The following PRR12 variants were observed in gnomAD, a reference collection of about 807,000 sequenced individuals.
The protein encoded by PRR12 is proline-rich protein 12.
Under a neutral mutation model 138.0 loss-of-function variants are expected in PRR12, and 12 were observed. That is an observed-to-expected ratio of 0.09 (90% CI 0.06 to 0.14). The LOEUF (loss-of-function observed/expected upper bound fraction) is 0.14. Ranked by LOEUF, PRR12 falls within the 10% of genes least tolerant of loss-of-function variation. PRR12 has a pLI of 1.00. For missense variants in PRR12, 2,692 were observed against 2,861.3 expected (o/e 0.94, Z 1.35); for synonymous variants, 1,567 against 1,291.7 (o/e 1.21, Z -4.57).
At position 49,594,797 on chromosome 19, in the gene PRR12, G is replaced by A. The variant is rs778706472; in HGVS notation, c.462G>A (p.Pro154=). The change falls in exon 4 of 14, where the codon CCG becomes CCA. Residue 154 remains proline, a synonymous_variant. Transcript: ENST00000418929. The surrounding 1 kb of genome is among the most constrained non-coding windows in gnomAD (Gnocchi z 5.6). Reference sequence around the variant, plus strand: ...CTGCCCTGTCGGCTTACCAACACCCGGCTTCCTTCGGCAGCCGCCCCTTCC... The same window carrying A: ...CTGCCCTGTCGGCTTACCAACACCCAGCTTCCTTCGGCAGCCGCCCCTTCC... The part of the protein sequence containing the change: ...SSSALSAYQH[P]ASFGSRPFPV... The A allele has an allele frequency of 3.9e-5, 63 of 1,612,658 alleles. No individual in the cohort carries two copies. The highest frequency in any genetic ancestry group is 1.4e-4 in the South Asian group (13 of 90,980).
Position 49,593,427 on chromosome 19 carries a change from C to A in PRR12, c.187C>A (p.His63Asn). Residue 63 changes from histidine to asparagine, a missense_variant, in exon 2 of 14, where the codon CAC (histidine) becomes AAC (asparagine). Around this residue, in one of 11 missense-constraint regions of PRR12, gnomAD observed 211 missense variants for 266.3 expected, o/e 0.79. Coordinates refer to ENST00000418929, the MANE Select transcript of PRR12 (RefSeq NM_020719.3). The stretch of plus-strand genomic sequence containing the variant: ...CCCACTGCAAAGCTATGCCACCAAC[C>A]ACCACCCGGCAGGTACGGCCCCCAT... ...PHPLQSYATNHHPAGLSGLFD... is the reference protein window; with the variant it reads ...PHPLQSYATNNHPAGLSGLFD... 1 of 1,593,194 alleles carries A rather than the reference C, an allele frequency of 6.3e-7. No individual in the cohort carries two copies. The highest frequency in any genetic ancestry group is 8.6e-7 in the Non-Finnish European group (1 of 1,163,118).
intron 11 of PRR12, among the ~76,000 whole-genome samples, chr19:49,623,995 G>A (rs73934022): frequency 0.37 from 47,297 of 129,522 alleles, 10,931 homozygotes; most frequent in African/African-American, 0.65. Flanking sequence ...ATTCTGGGGT[G>A]GGTGGTTAGG....
rs1027799223 is a variant in PRR12, at chr19:49,597,814, C to T, written c.3479C>T (p.Thr1160Met). The T allele has an allele frequency of 1.9e-6, 3 of 1,550,152 alleles. No homozygotes were observed. Among genetic ancestry groups the T allele is most frequent in the African/African-American group, 1.4e-5 (1 of 73,174 alleles). The change falls in exon 4 of 14, where the codon ACG (threonine) becomes ATG (methionine). Residue 1160 changes from threonine (T) to methionine (M), a missense_variant. Coordinates refer to ENST00000418929, the MANE Select transcript of PRR12 (RefSeq NM_020719.3). This position sits in a 1 kb window ranked among gnomAD's most constrained non-coding sequence, Gnocchi z 6.3. ...CCCCGGCGCCGTGGCCGCAAGCCCA[C>T]GAAGGCGAAACGTGATGGGCCACCC... ...DGPRRRGRKP[T>M]KAKRDGPPRP...
chr19:49,622,216 C>T (rs933217417), intron 11 of PRR12, among the ~76,000 whole-genome samples: 5 of 152,058 alleles, frequency 3.3e-5, no homozygotes, highest in Non-Finnish European at 5.9e-5. Flanking sequence ...GGATTCTAGG[C>T]TGGTACTAAG....
In PRR12 at chr19:49,599,032, C is replaced by T. The variant is rs73934018; in HGVS notation, c.3679-240C>T. On this transcript the variant is annotated intron_variant, in intron 4 of 13. Transcript: ENST00000418929. This position sits in a 1 kb window ranked among gnomAD's most constrained non-coding sequence, Gnocchi z 5.0. ...CTACATTCCTGGGTCTCATGGGAAGCGGGTCTAGGGACCTGAACTGGGCTG... is the reference window on the plus strand; with the variant it reads ...CTACATTCCTGGGTCTCATGGGAAGTGGGTCTAGGGACCTGAACTGGGCTG... 0.036 allele frequency among the ~76,000 whole-genome samples: 5,414 copies of T among 150,204 alleles called. 316 individuals are homozygous for T. The highest frequency in any genetic ancestry group is 0.13 in the African/African-American group (5,101 of 40,248).
In PRR12 at chr19:49,611,943, A is replaced by G. The variant is rs2080868749; in HGVS notation, c.4774-2590A>G. Among the ~76,000 whole-genome samples, 2 of 85,060 alleles carry G rather than the reference A, an allele frequency of 2.4e-5. 1 individual carries two copies. Among genetic ancestry groups the G allele is most frequent in the South Asian group, 7.0e-4 (2 of 2,870 alleles). 55.8% of individuals were successfully genotyped at this position (85,060 alleles called of 152,430 possible). Reference sequence around the variant, plus strand: ...GTCTCAAAAAAAAAAAAAAAAAAAAAAAAAACAGGCCGGGCACAGTGGCTC... The same window carrying G: ...GTCTCAAAAAAAAAAAAAAAAAAAAGAAAAACAGGCCGGGCACAGTGGCTC... On this transcript the variant is annotated intron_variant, in intron 6 of 13. Coordinates refer to ENST00000418929, the MANE Select transcript of PRR12 (RefSeq NM_020719.3).
At chr19:49,593,862 C>T (rs907215522) in intron 2 of PRR12, among the ~76,000 whole-genome samples, 1 of 152,160 alleles carries the variant, frequency 6.6e-6, no homozygotes, top group African/African-American at 2.4e-5. Flanking sequence ...TATTTTGCCC[C>T]ATTGCCTTAT....
At position 49,599,790 on chromosome 19, in the gene PRR12, C is replaced by G; in HGVS notation, c.4197C>G (p.Ser1399=). The change falls in exon 5 of 14, where the codon TCC becomes TCG. Residue 1399 remains serine (S), a synonymous_variant. Transcript: ENST00000418929. The surrounding 1 kb of genome is among the most constrained non-coding windows in gnomAD (Gnocchi z 5.0). Reference sequence around the variant, plus strand: ...ACCGAGACCTGCAGGAGAGCATCTCCTCCGCCATCTCTGCCCTCGATGACC... The same window carrying G: ...ACCGAGACCTGCAGGAGAGCATCTCGTCCGCCATCTCTGCCCTCGATGACC... ...AKNRDLQESI[S]SAISALDDPP... 6.2e-7 allele frequency: 1 copy of G among 1,613,652 alleles called. No homozygotes were observed. Among genetic ancestry groups the G allele is most frequent in the Non-Finnish European group, 8.5e-7 (1 of 1,179,896 alleles).
Position 49,595,476 on chromosome 19 carries a change from C to T in PRR12, c.1141C>T (p.Arg381Cys), listed in dbSNP as rs1220558077. 6.2e-5 allele frequency: 96 copies of T among 1,551,596 alleles called. No individual in the cohort carries two copies. Among genetic ancestry groups the T allele is most frequent in the Non-Finnish European group, 7.7e-5 (89 of 1,148,538 alleles). The stretch of plus-strand genomic sequence containing the variant: ...GGCTGGGGGTGGTGGTGGAGGTTAC[C>T]GCCCCATCATTCAGTCGCCTGGGTA... ...GGAGGGGGGY[R>C]PIIQSPGYKT... The change falls in exon 4 of 14, where the codon CGC becomes TGC. Residue 381 changes from arginine (R) to cysteine (C), a missense_variant. Coordinates refer to ENST00000418929, the MANE Select transcript of PRR12 (RefSeq NM_020719.3).
At chr19:49,601,225 G>C (rs2122315214) in intron 5 of PRR12, among the ~76,000 whole-genome samples, 1 of 152,138 alleles carries the variant, frequency 6.6e-6, no homozygotes, top group Non-Finnish European at 1.5e-5. Flanking sequence ...TCAGGAAGAG[G>C]AGTTAAGAAC....
Position 49,599,479 on chromosome 19 carries a change from C to A in PRR12, c.3886C>A (p.Pro1296Thr), listed in dbSNP as rs757428794. Reference sequence around the variant, plus strand: ...CTTCCTCAAGTCAGGCAAGCGCCACCCACCACTCTACCAGGCGGGCCTGAC... The same window carrying A: ...CTTCCTCAAGTCAGGCAAGCGCCACACACCACTCTACCAGGCGGGCCTGAC... ...LDFLKSGKRHPPLYQAGLTPP... is the reference protein window; with the variant it reads ...LDFLKSGKRHTPLYQAGLTPP... The change falls in exon 5 of 14, where the codon CCA becomes ACA. Residue 1296 changes from proline to threonine, a missense_variant. Physicochemically the swap from Pro to Thr is conservative, Grantham distance 38. Transcript: ENST00000418929. The surrounding 1 kb of genome is among the most constrained non-coding windows in gnomAD (Gnocchi z 5.0). 1.9e-6 allele frequency: 3 copies of A among 1,602,256 alleles called. No individual in the cohort carries two copies. The highest frequency in any genetic ancestry group is 2.6e-6 in the Non-Finnish European group (3 of 1,175,188).
At chr19:49,619,224 GTTTTTTTTT>G (rs34027784) in intron 9 of PRR12, among the ~76,000 whole-genome samples, 1 of 79,768 alleles carries the variant, frequency 1.3e-5, no homozygotes, top group Non-Finnish European at 2.3e-5. Flanking sequence ...CCTCCTGTGA[GTTTTTTTTT>G]TTTTTTTTTT....
At chr19:49,611,429 C>T (rs902265386) in intron 6 of PRR12, among the ~76,000 whole-genome samples, 6 of 150,312 alleles carry the variant, frequency 4.0e-5, no homozygotes, top group African/African-American at 1.5e-4. Context: ...CTGAGGTCAG[C>T]GGTTTGAGAC....
At chr19:49,622,928 T>TATATATAGAGAGAG (rs1320368074) in intron 11 of PRR12, among the ~76,000 whole-genome samples, 1 of 77,760 alleles carries the variant, frequency 1.3e-5, no homozygotes, top group African/African-American at 7.9e-5. Flanking sequence ...TATATATATA[T>TATATATAGAGAGAG]AGAGAGAGAG....
chr19:49,597,204 G>A lies in PRR12; in HGVS notation c.2869G>A (p.Gly957Arg). Residue 957 changes from glycine to arginine, a missense_variant, in exon 4 of 14, where the codon GGG becomes AGG. Transcript: ENST00000418929. This position sits in a 1 kb window ranked among gnomAD's most constrained non-coding sequence, Gnocchi z 6.3. Reference sequence around the variant, plus strand: ...CACCATGGAGGAGATGTTCGGTGGAGGGGCCGCGGACGACTACGGCAAGGC... The same window carrying A: ...CACCATGGAGGAGATGTTCGGTGGAAGGGCCGCGGACGACTACGGCAAGGC... ...FPTMEEMFGG[G>R]AADDYGKAGP... 6.4e-7 allele frequency: 1 copy of A among 1,563,062 alleles called. No individual in the cohort carries two copies. Among genetic ancestry groups the A allele is most frequent in the Non-Finnish European group, 8.7e-7 (1 of 1,153,940 alleles).
rs781523174 is a variant in PRR12 at position 49,615,748 on chromosome 19, C to T, written c.5026C>T (p.Arg1676Cys). 26 of 1,611,572 alleles carry T rather than the reference C, an allele frequency of 1.6e-5. No individual in the cohort carries two copies. The highest frequency in any genetic ancestry group is 1.7e-4 in the Middle Eastern group (1 of 6,056). The change falls in exon 9 of 14, where the codon CGC becomes TGC. Residue 1676 changes from arginine to cysteine, a missense_variant and splice_region_variant. Arg to Cys is a radical substitution (Grantham distance 180). This residue lies in a region of PRR12 where 259 missense variants were observed against 265.1 expected (regional missense o/e 0.98). Coordinates refer to ENST00000418929, the MANE Select transcript of PRR12 (RefSeq NM_020719.3). ...AGTCCCTTCTCTGTTCCCTTCTAGA[C>T]GCTCTGGGCAGGCCAAGAACCCCGT... ...PWHRPPVPVR[R>C]SGQAKNPVSA...
chr19:49,621,676 G>C (rs938638452), intron 11 of PRR12, 54 bp downstream of exon 11: 3 of 1,396,482 alleles, frequency 2.1e-6, no homozygotes, highest in Non-Finnish European at 3.0e-6. Flanking sequence ...ACATGGAGAA[G>C]ACATGTACGT....
Position 49,601,815 on chromosome 19 carries a change from T to C in PRR12, c.4670T>C (p.Val1557Ala). The C allele has an allele frequency of 6.2e-7, 1 of 1,612,188 alleles. No homozygotes were observed. Among genetic ancestry groups the C allele is most frequent in the Non-Finnish European group, 8.5e-7 (1 of 1,179,788 alleles). Residue 1557 changes from valine (V) to alanine (A), a missense_variant, in exon 6 of 14, where the codon GTG becomes GCG. This residue lies in a region of PRR12 where 92 missense variants were observed against 174.1 expected (regional missense o/e 0.53). Transcript: ENST00000418929. ...HLAKKQETAA[V>A]CGETDEEAGE... is the part of the protein sequence containing the mutation. ...GCCAAAAAGCAGGAGACGGCGGCAG[T>C]GTGTGGGGAGACGGACGAGGAGGCC...
At position 49,601,759 on chromosome 19, in the gene PRR12, C is replaced by T. The variant is rs769955342; in HGVS notation, c.4614C>T (p.Pro1538=). The T allele has an allele frequency of 3.2e-5, 51 of 1,583,400 alleles. No individual in the cohort carries two copies. The highest frequency in any genetic ancestry group is 2.2e-4 in the Middle Eastern group (1 of 4,510). The part of the protein sequence containing the change: ...EEPAAPSPED[P]ELPDTRPLHL... ...CCGCCGCCCCGTCTCCCGAAGACCC[C>T]GAGCTGCCGGACACCCGGCCCCTGC... is the stretch of plus-strand genomic sequence containing the variant. The change falls in exon 6 of 14, where the codon CCC becomes CCT. Residue 1538 remains proline, a synonymous_variant. Coordinates refer to ENST00000418929, the MANE Select transcript of PRR12 (RefSeq NM_020719.3).
Sources: allele counts gnomAD v4.1 joint callset (sites outside exome capture counted in the v4.1 genomes callset), GRCh38; gene constraint gnomAD v4.1.1; regional missense constraint gnomAD v4.1.1; non-coding constraint Gnocchi (gnomAD v3.1); transcripts MANE v1.5; gene names NCBI Gene and HGNC (gene_info 2026-07-23, HGNC 2026-07-21).